Variants in CADPS2 observed in about 807,000 individuals in gnomAD.
CADPS2 encodes the protein calcium-dependent secretion activator 2.
A neutral mutation model predicts 172.5 loss-of-function variants in CADPS2; 93 were observed. The observed-to-expected ratio is 0.54, with a 90% CI of 0.46 to 0.64. CADPS2 has a LOEUF of 0.64. Ranked by LOEUF, CADPS2 falls within the 30% of genes least tolerant of loss-of-function variation. CADPS2 has a pLI of 0.00. For synonymous variants in CADPS2, 546 were observed against 555.2 expected (o/e 0.98, Z 0.23); for missense variants, 1,420 against 1,565.9 (o/e 0.91, Z 1.57).
chr7:122,875,559 G>A (rs1448864757), intron 1 of CADPS2, among the ~76,000 whole-genome samples: 1 of 152,042 alleles, frequency 6.6e-6, no homozygotes, highest in African/African-American at 2.4e-5. Context: ...AATTTGTGAT[G>A]AAAAACTTAA....
At chr7:122,435,679 A>G (rs2050544679) in intron 17 of CADPS2, among the ~76,000 whole-genome samples, 1 of 152,118 alleles carries the variant, frequency 6.6e-6, no homozygotes, top group Non-Finnish European at 1.5e-5. Context: ...GTATACAACC[A>G]AAAAAATTGA....
chr7:122,654,422 G>C (rs2079513057), intron 3 of CADPS2, among the ~76,000 whole-genome samples: 1 of 152,188 alleles, frequency 6.6e-6, no homozygotes, highest in Non-Finnish European at 1.5e-5. Flanking sequence ...TCTCTTGTTA[G>C]TGGCTAATGA....
chr7:122,777,693 C>CCA (rs1161865874), intron 1 of CADPS2, among the ~76,000 whole-genome samples: 4 of 152,004 alleles, frequency 2.6e-5, no homozygotes, highest in Non-Finnish European at 5.9e-5. Flanking sequence ...AGGCTTTCCC[C>CCA]CACTTCCCTC....
chr7:122,645,063 TG>T (rs779070615), intron 3 of CADPS2, among the ~76,000 whole-genome samples: 7 of 151,868 alleles, frequency 4.6e-5, no homozygotes, highest in Non-Finnish European at 7.4e-5. Context: ...CTATGTGAAC[TG>T]AACTAAACTA....
chr7:122,835,484 C>G (rs1808084971), intron 1 of CADPS2, among the ~76,000 whole-genome samples: 1 of 152,210 alleles, frequency 6.6e-6, no homozygotes, highest in Admixed American at 6.5e-5. Context: ...TCAAACTTCT[C>G]TGAGCTAAAG....
chr7:122,675,148 GAA>G (rs1185507542), intron 2 of CADPS2, among the ~76,000 whole-genome samples: 3 of 152,162 alleles, frequency 2.0e-5, no homozygotes, highest in Non-Finnish European at 4.4e-5. Flanking sequence ...TCTAAGACAT[GAA>G]CTGTTTTACT....
chr7:122,673,833 G>A (rs1175463181), intron 2 of CADPS2, among the ~76,000 whole-genome samples: 2 of 152,022 alleles, frequency 1.3e-5, no homozygotes, highest in African/African-American at 4.8e-5. Flanking sequence ...AACCTAGGGC[G>A]GCAGATGGGA....
intron 1 of CADPS2, among the ~76,000 whole-genome samples, chr7:122,855,438 TAA>T (rs909203022): frequency 6.6e-6 from 1 of 152,164 alleles, no homozygotes; most frequent in Non-Finnish European, 1.5e-5. Flanking sequence ...CAAACACAAA[TAA>T]AGTGTCCTTC....
At chr7:122,384,304 C>T (rs964502665) in intron 24 of CADPS2, among the ~76,000 whole-genome samples, 14 of 152,032 alleles carry the variant, frequency 9.2e-5, no homozygotes, top group African/African-American at 3.4e-4. Flanking sequence ...CCAGCGATGA[C>T]AATATAACAC....
chr7:122,506,536 C>T (rs1038125164), intron 9 of CADPS2, among the ~76,000 whole-genome samples: 1 of 152,150 alleles, frequency 6.6e-6, no homozygotes, highest in Non-Finnish European at 1.5e-5. Flanking sequence ...TGTGTCCACA[C>T]ATGTTAAGTG....
chr7:122,596,172 C>T (rs2071744374), intron 6 of CADPS2, among the ~76,000 whole-genome samples: 2 of 152,070 alleles, frequency 1.3e-5, no homozygotes, highest in South Asian at 4.1e-4. Flanking sequence ...ACAGTAACAA[C>T]TAAATGTTGA....
intron 24 of CADPS2, among the ~76,000 whole-genome samples, chr7:122,386,016 T>C (rs563279042): frequency 2.0e-5 from 3 of 152,192 alleles, no homozygotes; most frequent in East Asian, 1.9e-4. Flanking sequence ...TAATTTTATC[T>C]TTAAAATTCT....
chr7:122,742,788 A>T (rs916062060), intron 1 of CADPS2, among the ~76,000 whole-genome samples: 1 of 152,102 alleles, frequency 6.6e-6, no homozygotes, highest in Non-Finnish European at 1.5e-5. Flanking sequence ...TGGAATTCTG[A>T]TTCCTTCACC....
At chr7:122,474,814 A>AT (rs1250343756) in intron 12 of CADPS2, among the ~76,000 whole-genome samples, 2 of 152,196 alleles carry the variant, frequency 1.3e-5, no homozygotes, top group East Asian at 3.9e-4. Flanking sequence ...GAAAAGCTGT[A>AT]TTTTAAATCT....
intron 2 of CADPS2, among the ~76,000 whole-genome samples, chr7:122,720,630 A>G (rs4731064): frequency 0.017 from 2,630 of 151,774 alleles, 144 homozygotes; most frequent in Admixed American, 0.11. Flanking sequence ...ATATGTACGT[A>G]TGTGTATACA....
At chr7:122,484,329 A>G (rs1480446433) in intron 11 of CADPS2, among the ~76,000 whole-genome samples, 1 of 152,142 alleles carries the variant, frequency 6.6e-6, no homozygotes, top group African/African-American at 2.4e-5. Flanking sequence ...AAACTGACCA[A>G]AGAAAGGATA....
intron 7 of CADPS2, among the ~76,000 whole-genome samples, chr7:122,559,051 C>T (rs2065383444): frequency 6.6e-6 from 1 of 152,122 alleles, no homozygotes; most frequent in Admixed American, 6.5e-5. Flanking sequence ...TGCACCATAT[C>T]TTATGGCAAA....
At chr7:122,470,315 A>G (rs946487824) in intron 14 of CADPS2, among the ~76,000 whole-genome samples, 1 of 152,068 alleles carries the variant, frequency 6.6e-6, no homozygotes, top group African/African-American at 2.4e-5. Flanking sequence ...ATGGGAAGAG[A>G]ATATTAATAT....
intron 1 of CADPS2, among the ~76,000 whole-genome samples, chr7:122,848,752 G>C (rs1812714179): frequency 1.3e-5 from 2 of 152,118 alleles, no homozygotes; most frequent in Admixed American, 1.3e-4. Flanking sequence ...AAAATGCCAT[G>C]ACGTCTCTGA....
Sources: allele counts gnomAD v4.1 joint callset (sites outside exome capture counted in the v4.1 genomes callset), GRCh38; gene constraint gnomAD v4.1.1; transcripts MANE v1.5; gene names NCBI Gene and HGNC (gene_info 2026-07-23, HGNC 2026-07-21).